The following ABCB1 variants were observed in gnomAD, a reference collection of about 807,000 sequenced individuals.
The protein encoded by ABCB1 is ATP binding cassette subfamily B member 1, also known as ATP-dependent translocase ABCB1.
Under a neutral mutation model 142.0 loss-of-function variants are expected in ABCB1, and 69 were observed. That is an observed-to-expected ratio of 0.49 (90% CI 0.40 to 0.59). The LOEUF (loss-of-function observed/expected upper bound fraction) is 0.59, where lower values mean the gene tolerates loss of function less well. ABCB1 is among the 20% of genes least tolerant of loss of function. The pLI, the probability that ABCB1 is intolerant of heterozygous loss-of-function variation, is 0.00. For missense variants in ABCB1, 1,326 were observed against 1,554.7 expected (o/e 0.85, Z 2.47); for synonymous variants, 532 against 539.2 (o/e 0.99, Z 0.18).
At chr7:87,553,732 T>C in intron 9 of ABCB1, 29 bp downstream of exon 9, 1 of 1,601,588 alleles carries the variant, frequency 6.2e-7, no homozygotes, top group Non-Finnish European at 8.6e-7. Context: ...TTTATAATAA[T>C]GGTTCATTTC....
At chr7:87,709,444 C>T (rs1829879557) in intron 1 of ABCB1, 1 of 985,326 alleles carries the variant, frequency 1.0e-6, no homozygotes, top group Non-Finnish European at 1.2e-6. Flanking sequence ...GCAGGTTCCC[C>T]TAGGCTTACT....
chr7:87,583,186 T>C (rs1428815652), intron 4 of ABCB1, among the ~76,000 whole-genome samples: 2 of 152,356 alleles, frequency 1.3e-5, no homozygotes, highest in Non-Finnish European at 1.5e-5. Flanking sequence ...GTACTTCTTA[T>C]GACTAGACTT....
chr7:87,507,701 C>G lies in ABCB1; in HGVS notation c.3489+1574G>C, dbSNP rs764920119. Among the ~76,000 whole-genome samples, 3 of 152,220 alleles carry G rather than the reference C, an allele frequency of 2.0e-5. No individual in the cohort carries two copies. The East Asian group carries it at 5.8e-4, about 29-fold the overall frequency. ...CTGCCTCGTGAGGAAACTGTCTTCC[C>G]CGCCGGGTTGAGGCTCCTGAGCTTT... On this transcript the variant is annotated intron_variant, in intron 26 of 27. Coordinates refer to ENST00000622132, the MANE Select transcript of ABCB1 (RefSeq NM_001348946.2).
chr7:87,685,344 C>T (rs1683624063), intron 1 of ABCB1, among the ~76,000 whole-genome samples: 2 of 152,110 alleles, frequency 1.3e-5, no homozygotes, highest in African/African-American at 4.8e-5. Context: ...AGATGTTCAA[C>T]ATCATTAGTA....
At chr7:87,700,273 G>T in intron 1 of ABCB1, 1 of 598,990 alleles carries the variant, frequency 1.7e-6, no homozygotes, top group Non-Finnish European at 2.8e-6. Flanking sequence ...GACTAGATTT[G>T]AGGCTTTTTG....
chr7:87,553,827 A>G lies in ABCB1; in HGVS notation c.933T>C (p.Ala311=), dbSNP rs1384778510. 9.3e-6 allele frequency: 15 copies of G among 1,614,180 alleles called. No homozygotes were observed. Among genetic ancestry groups the G allele is most frequent in the South Asian group, 4.4e-5 (4 of 91,090 alleles). The change falls in exon 9 of 28, where the codon GCT becomes GCC. Residue 311 remains alanine, a synonymous_variant. Transcript: ENST00000622132. ...AAFLLIYASY[A]LAFWYGTTLV... ...AGGTGGTCCCATACCAGAAGGCCAG[A>G]GCATAAGATGCATAGATCAGCAGGA...
In ABCB1 at chr7:87,687,322, ATGG is replaced by A. The variant is rs1312473516; in HGVS notation, c.-331+25836_-331+25838del. Among the ~76,000 whole-genome samples, 413 of 152,226 alleles carry A rather than the reference ATGG, an allele frequency of 2.7e-3. 2 individuals carry two copies. Among genetic ancestry groups the A allele is most frequent in the African/African-American group, 9.3e-3 (385 of 41,532 alleles). ...GGAGCACACTTCTTCTAGTATCTGAATGGTTAACACCCTCATCCATTTGAAAAC... is the reference window on the plus strand; with the variant it reads ...GGAGCACACTTCTTCTAGTATCTGAATTAACACCCTCATCCATTTGAAAAC... On this transcript the variant is annotated intron_variant, in intron 1 of 28. Transcript: ENST00000265724.
intron 1 of ABCB1, among the ~76,000 whole-genome samples, chr7:87,630,838 C>A (rs535879105): frequency 6.6e-6 from 1 of 151,940 alleles, no homozygotes; most frequent in East Asian, 1.9e-4. Flanking sequence ...CATGTGTGCC[C>A]TTATCAGAGA....
At chr7:87,608,858 C>A (rs1242052696) in intron 1 of ABCB1, among the ~76,000 whole-genome samples, 1 of 152,064 alleles carries the variant, frequency 6.6e-6, no homozygotes, top group Non-Finnish European at 1.5e-5. Context: ...TGCTAGCAGA[C>A]CAATGAACAG....
rs1829661772 is a variant in ABCB1, at chr7:87,707,048, A to AATT, written c.-331+6112_-331+6113insAAT. Among the ~76,000 whole-genome samples the AATT allele has an allele frequency of 2.6e-5, 4 of 152,196 alleles. No homozygotes were observed. The South Asian group carries it at 6.2e-4, about 24-fold the overall frequency. On this transcript the variant is annotated intron_variant, in intron 1 of 28. Transcript: ENST00000265724. ...TAAGGGAAATTCAGAAGATTAATAC[A>AATT]AAAAAAGGCCTAAAAGTAGTCCCCT...
At chr7:87,519,897 A>C (rs979344730) in intron 22 of ABCB1, among the ~76,000 whole-genome samples, 1 of 152,108 alleles carries the variant, frequency 6.6e-6, no homozygotes, top group Admixed American at 6.5e-5. Flanking sequence ...GGAAACAGGC[A>C]TGTTCTTGAC....
chr7:87,654,417 A>AAAT (rs1272022862), intron 1 of ABCB1, among the ~76,000 whole-genome samples: 1 of 152,124 alleles, frequency 6.6e-6, no homozygotes, highest in Non-Finnish European at 1.5e-5. Flanking sequence ...GAGAACCCAC[A>AAAT]AATAAATCCA....
intron 3 of ABCB1, 140 bp downstream of exon 3, chr7:87,595,626 C>G: frequency 1.5e-6 from 1 of 678,440 alleles, no homozygotes; most frequent in East Asian, 2.7e-5. Flanking sequence ...TGAAAATAAG[C>G]TAAATCAAAC....
At chr7:87,544,403 A>G (rs1816680154) in intron 16 of ABCB1, 128 bp from the exon 17 acceptor site, 1 of 992,856 alleles carries the variant, frequency 1.0e-6, no homozygotes, top group Non-Finnish European at 1.5e-6. Flanking sequence ...AGTGATGACA[A>G]TTTTGCTTTA....
intron 1 of ABCB1, among the ~76,000 whole-genome samples, chr7:87,695,254 G>C (rs1256185373): frequency 5.3e-5 from 8 of 151,892 alleles, no homozygotes; most frequent in Non-Finnish European, 1.0e-4. Context: ...AAAGCTGGAT[G>C]GTCTAATAAA....
At chr7:87,702,682 A>C (rs1439928752) in intron 1 of ABCB1, among the ~76,000 whole-genome samples, 1 of 152,138 alleles carries the variant, frequency 6.6e-6, no homozygotes, top group East Asian at 1.9e-4. Context: ...GGTCCTCAGT[A>C]ATTTTTAGGA....
rs573093758 is a variant in ABCB1 at position 87,704,163 on chromosome 7, C to T, written c.-331+8998G>A. ...CTCGAACTCCTGAGTTCAAGTGATC[C>T]GCCTGCCTCAGCCTCGCAAAGTGCT... On this transcript the variant is annotated intron_variant, in intron 1 of 28. Coordinates refer to the ABCB1 transcript ENST00000265724. 7.2e-5 allele frequency among the ~76,000 whole-genome samples: 11 copies of T among 152,000 alleles called. 1 individual carries two copies. The East Asian group carries it at 1.2e-3, about 16-fold the overall frequency.
At chr7:87,685,081 A>T (rs1827324414) in intron 1 of ABCB1, among the ~76,000 whole-genome samples, 4 of 152,182 alleles carry the variant, frequency 2.6e-5, no homozygotes, top group African/African-American at 4.8e-5. Flanking sequence ...AACAAAAAAA[A>T]TTGATAAAGT....
At chr7:87,589,837 G>GAGAGAGAGAGAGAGAGAGA (rs1818919970) in intron 3 of ABCB1, among the ~76,000 whole-genome samples, 14 of 85,026 alleles carry the variant, frequency 1.6e-4, no homozygotes, top group African/African-American at 1.1e-3. Flanking sequence ...AGAGAGAGAG[G>GAGAGAGAGAGAGAGAGAGA]GAGAGAGGGA....
Sources: gnomAD v4.1 joint callset for allele counts (sites outside exome capture counted in the v4.1 genomes callset) on GRCh38, gnomAD v4.1.1 for gene constraint, MANE v1.5 for transcripts, NCBI Gene and HGNC (gene_info 2026-07-23, HGNC 2026-07-21) for gene names.